Variants in RAB27B observed in about 807,000 individuals in gnomAD.
RAB27B encodes the protein RAB27B, member RAS oncogene family.
In RAB27B, 15 loss-of-function variants were observed where a neutral mutation model predicts 24.6. The ratio of observed to expected loss-of-function variants is 0.61; its 90% CI spans 0.41 to 0.94. RAB27B has a LOEUF of 0.94. RAB27B is among the 40% of genes least tolerant of loss of function. The pLI, the probability that RAB27B is intolerant of heterozygous loss-of-function variation, is 0.00. For synonymous variants in RAB27B, 105 were observed against 92.5 expected (o/e 1.14, Z -0.78); for missense variants, 261 against 266.8 (o/e 0.98, Z 0.15).
chr18:54,876,451 T>C (rs1912706129), intron 1 of RAB27B, among the ~76,000 whole-genome samples: 1 of 152,212 alleles, frequency 6.6e-6, no homozygotes, highest in South Asian at 2.1e-4. Flanking sequence ...TGTCACATAA[T>C]ACTGAGATAA....
intron 3 of RAB27B, among the ~76,000 whole-genome samples, chr18:54,882,733 G>T (rs1912977319): frequency 6.6e-6 from 1 of 152,192 alleles, no homozygotes; most frequent in African/African-American, 2.4e-5. Context: ...AGATCAGCAT[G>T]TCTGTGGGTA....
chr18:54,824,116 T>C (rs1376801705), upstream of RAB27B, among the ~76,000 whole-genome samples: 1 of 152,240 alleles, frequency 6.6e-6, no homozygotes, highest in African/African-American at 2.4e-5. Context: ...CAGATAGTCT[T>C]TCCCTCTGCC....
chr18:54,718,261 GA>G (rs1909251677), intron 2 of RAB27B: 1 of 151,918 alleles, frequency 6.6e-6, no homozygotes, highest in Non-Finnish European at 1.5e-5. Context: ...ATTCATAAAG[GA>G]AATGCAACTA....
intron 1 of RAB27B, among the ~76,000 whole-genome samples, chr18:54,845,363 C>T (rs182097335): frequency 3.5e-5 from 5 of 141,956 alleles, no homozygotes; most frequent in African/African-American, 5.2e-5. Flanking sequence ...GCCAAGATCA[C>T]GCCACTGCAC....
intron 2 of RAB27B, among the ~76,000 whole-genome samples, chr18:54,795,548 G>A: frequency 6.6e-6 from 1 of 152,152 alleles, no homozygotes; most frequent in Non-Finnish European, 1.5e-5. Context: ...AGTAGAGAAT[G>A]GTTAGGAAGC....
In RAB27B at chr18:54,895,489, C is replaced by T. The variant is rs1913532055; in HGVS notation, c.*6076C>T. ...TCAGTGATTGTTTCTGCACACTTTT[C>T]AAATAAAAAATGAATTTTTATCAAT... On this transcript the variant is annotated 3_prime_UTR_variant, in exon 6 of 6. Coordinates refer to ENST00000262094, the MANE Select transcript of RAB27B (RefSeq NM_004163.4). 1 of 152,014 alleles carries T rather than the reference C, an allele frequency of 6.6e-6. No homozygotes were observed. Among genetic ancestry groups the T allele is most frequent in the South Asian group, 2.1e-4 (1 of 4,826 alleles). The allele number at this position is 152,014 out of a possible 1,614,324, so 9.4% of individuals were successfully genotyped here.
intron 2 of RAB27B, among the ~76,000 whole-genome samples, chr18:54,787,071 G>A (rs1909109518): frequency 6.6e-6 from 1 of 152,152 alleles, no homozygotes; most frequent in Non-Finnish European, 1.5e-5. Context: ...GTGAAGCTCG[G>A]AAACCTCCCA....
chr18:54,826,126 TGAGGA>T (rs1910463427), upstream of RAB27B, among the ~76,000 whole-genome samples: 1 of 152,238 alleles, frequency 6.6e-6, no homozygotes, highest in Non-Finnish European at 1.5e-5. Context: ...TAAAGCAGTT[TGAGGA>T]GAGATGAAAT....
chr18:54,874,793 AAC>A (rs1314019561), intron 1 of RAB27B, among the ~76,000 whole-genome samples: 1 of 152,188 alleles, frequency 6.6e-6, no homozygotes, highest in Non-Finnish European at 1.5e-5. Flanking sequence ...TCTGAAAATT[AAC>A]AGTTTCATCC....
chr18:54,751,168 G>A (rs1270578437), intron 2 of RAB27B, among the ~76,000 whole-genome samples: 1 of 152,144 alleles, frequency 6.6e-6, no homozygotes, highest in Non-Finnish European at 1.5e-5. Context: ...AATACTAGGA[G>A]CTTGAGGCAC....
At chr18:54,819,023 A>G (rs1404415009) in intron 2 of RAB27B, among the ~76,000 whole-genome samples, 1 of 151,666 alleles carries the variant, frequency 6.6e-6, no homozygotes, top group East Asian at 1.9e-4. Flanking sequence ...ATCTGTAGCT[A>G]AAAAAATCCA....
chr18:54,884,301 T>A lies in RAB27B; in HGVS notation c.240-32T>A, dbSNP rs770763523. ...TGTTGTCAAAGATATGTGGACTAAC[T>A]TTCAGAACTACCCACTGTGTTTCCT... On this transcript the variant is annotated intron_variant, in intron 3 of 5. Coordinates refer to ENST00000262094, the MANE Select transcript of RAB27B (RefSeq NM_004163.4). The A allele has an allele frequency of 2.2e-6, 3 of 1,376,674 alleles. No individual in the cohort carries two copies. In the South Asian group the frequency reaches 3.5e-5, roughly 16 times the overall value. 85.3% of individuals were successfully genotyped at this position (1,376,674 alleles called of 1,614,324 possible).
chr18:54,890,446 A>C lies in RAB27B; in HGVS notation c.*1033A>C. 1 of 152,166 alleles carries C rather than the reference A, an allele frequency of 6.6e-6. No homozygotes were observed. Among genetic ancestry groups the C allele is most frequent in the East Asian group, 1.9e-4 (1 of 5,202 alleles). 9.4% of individuals were successfully genotyped at this position (152,166 alleles called of 1,614,324 possible). ...TTAGATAAAATAAGATGGTGATATG[A>C]AACAAAAAGTGGCAATTATTGCAGG... is the stretch of plus-strand genomic sequence containing the variant. On this transcript the variant is annotated 3_prime_UTR_variant, in exon 6 of 6. Transcript: ENST00000262094.
intron 2 of RAB27B, among the ~76,000 whole-genome samples, chr18:54,819,510 C>A (rs1382496616): frequency 1.0e-5 from 1 of 100,360 alleles, no homozygotes; most frequent in Non-Finnish European, 2.0e-5. Flanking sequence ...CCAGCGTGGG[C>A]GACAGAACAA....
chr18:54,816,943 G>C (rs543305176), intron 2 of RAB27B, among the ~76,000 whole-genome samples: 1 of 152,080 alleles, frequency 6.6e-6, no homozygotes, highest in South Asian at 2.1e-4. Flanking sequence ...TATCATTATG[G>C]CTCAAGAAAT....
At chr18:54,833,630 T>C (rs1568086658) in intron 1 of RAB27B, among the ~76,000 whole-genome samples, 1 of 152,226 alleles carries the variant, frequency 6.6e-6, no homozygotes, top group African/African-American at 2.4e-5. Flanking sequence ...GAAGTTATTG[T>C]GACTGCAAAT....
At chr18:54,763,426 C>A (rs1342047140) in intron 2 of RAB27B, among the ~76,000 whole-genome samples, 1 of 152,026 alleles carries the variant, frequency 6.6e-6, no homozygotes, top group African/African-American at 2.4e-5. Flanking sequence ...CCATTTCAGA[C>A]CAAGTTGTTG....
intron 2 of RAB27B, among the ~76,000 whole-genome samples, chr18:54,781,789 T>A (rs1372564225): frequency 6.6e-6 from 1 of 152,176 alleles, no homozygotes; most frequent in Non-Finnish European, 1.5e-5. Context: ...AACATTATAA[T>A]CAAGTGGCTG....
intron 2 of RAB27B, among the ~76,000 whole-genome samples, chr18:54,741,989 AG>A (rs1470596676): frequency 6.6e-6 from 1 of 152,218 alleles, no homozygotes; most frequent in African/African-American, 2.4e-5. Context: ...ATCAGTCTTA[AG>A]GGGTTTGTTT....
Sources: gnomAD v4.1 joint callset for allele counts (sites outside exome capture counted in the v4.1 genomes callset) on GRCh38, gnomAD v4.1.1 for gene constraint, MANE v1.5 for transcripts, NCBI Gene and HGNC (gene_info 2026-07-23, HGNC 2026-07-21) for gene names.